Variants in ZBTB20 observed in about 807,000 individuals in gnomAD.
ZBTB20 encodes zinc finger and BTB domain-containing protein 20.
Under a neutral mutation model 56.9 loss-of-function variants are expected in ZBTB20, and 9 were observed. The observed-to-expected ratio is 0.16, with a 90% CI of 0.10 to 0.28. ZBTB20 has a LOEUF of 0.28. Among genes scored for constraint, ZBTB20 ranks in the 10% least tolerant of loss-of-function variants. The pLI is 1.00. For synonymous variants in ZBTB20, 417 were observed against 420.7 expected (o/e 0.99, Z 0.11); for missense variants, 655 against 1,003.0 (o/e 0.65, Z 4.69).
chr3:114,544,615 C>T (rs2942790), intron 6 of ZBTB20, among the ~76,000 whole-genome samples: 88,542 of 151,450 alleles, frequency 0.58, 26,301 homozygotes, highest in East Asian at 0.82. Flanking sequence ...GTGATCCTTC[C>T]ACATCAGCCT....
In ZBTB20 at chr3:114,640,915, G is replaced by A. The variant is rs150362097; in HGVS notation, c.-295+52613C>T. On this transcript the variant is annotated intron_variant, in intron 6 of 11. Coordinates refer to ENST00000675478, the MANE Select transcript of ZBTB20 (RefSeq NM_001348800.3). The stretch of plus-strand genomic sequence containing the variant: ...AGCCTTATTTTATACAAGCAAGCAC[G>A]TATGCCCTTAAGATTTGTGGTGGAG... Among the ~76,000 whole-genome samples, 1,058 of 151,862 alleles carry A rather than the reference G, an allele frequency of 7.0e-3. 10 individuals are homozygous for A. The highest frequency in any genetic ancestry group is 0.024 in the African/African-American group (993 of 41,456).
chr3:114,634,613 C>T (rs1209455584), intron 6 of ZBTB20, among the ~76,000 whole-genome samples: 1 of 152,170 alleles, frequency 6.6e-6, no homozygotes, highest in African/African-American at 2.4e-5. Flanking sequence ...CAAATATATT[C>T]AGATTGTAGC....
chr3:114,416,339 A>C (rs1261993719), intron 7 of ZBTB20, among the ~76,000 whole-genome samples: 4 of 152,010 alleles, frequency 2.6e-5, no homozygotes, highest in Non-Finnish European at 5.9e-5. Flanking sequence ...AAAAAAAAAA[A>C]AAAACAACTA....
chr3:114,774,768 G>C (rs895885116), intron 5 of ZBTB20, among the ~76,000 whole-genome samples: 12 of 151,950 alleles, frequency 7.9e-5, no homozygotes, highest in Non-Finnish European at 1.5e-4. Flanking sequence ...AATAAGAAAG[G>C]CATGATGTTC....
chr3:114,400,462 CA>C (rs1175930497), intron 7 of ZBTB20, among the ~76,000 whole-genome samples: 5 of 152,030 alleles, frequency 3.3e-5, no homozygotes, highest in Non-Finnish European at 7.4e-5. Flanking sequence ...AACTGACAGC[CA>C]GTCCACTTCC....
At chr3:114,564,321 C>T (rs1342288804) in intron 6 of ZBTB20, among the ~76,000 whole-genome samples, 1 of 151,938 alleles carries the variant, frequency 6.6e-6, no homozygotes, top group Non-Finnish European at 1.5e-5. Context: ...CTCACAGGTT[C>T]TGAGGATTAG....
At chr3:114,508,930 G>A (rs2109779284) in intron 6 of ZBTB20, among the ~76,000 whole-genome samples, 1 of 152,212 alleles carries the variant, frequency 6.6e-6, no homozygotes, top group Admixed American at 6.5e-5. Context: ...GTTTTGTTTA[G>A]TATCACTACA....
chr3:114,976,556 GT>G (rs2078107618), intron 2 of ZBTB20, among the ~76,000 whole-genome samples: 1 of 151,764 alleles, frequency 6.6e-6, no homozygotes, highest in Admixed American at 6.6e-5. Flanking sequence ...ATCCTAAGAG[GT>G]GGAGGTTGCA....
intron 2 of ZBTB20, among the ~76,000 whole-genome samples, chr3:114,995,804 T>C (rs1258913067): frequency 6.6e-6 from 1 of 151,884 alleles, no homozygotes; most frequent in Non-Finnish European, 1.5e-5. Context: ...TTTTGTAGGA[T>C]ACTAACCAAG....
chr3:114,955,928 C>T (rs542156656), intron 3 of ZBTB20, among the ~76,000 whole-genome samples: 1 of 152,216 alleles, frequency 6.6e-6, no homozygotes, highest in East Asian at 1.9e-4. Flanking sequence ...AATTTTGTGA[C>T]ATACTAGGTC....
At chr3:115,018,112 T>C (rs1338589553) in intron 2 of ZBTB20, among the ~76,000 whole-genome samples, 1 of 151,434 alleles carries the variant, frequency 6.6e-6, no homozygotes, top group African/African-American at 2.4e-5. Flanking sequence ...ACTTCTAATT[T>C]TGTACCAAGT....
chr3:114,477,245 G>A (rs911978887), intron 7 of ZBTB20, among the ~76,000 whole-genome samples: 5 of 152,122 alleles, frequency 3.3e-5, no homozygotes, highest in African/African-American at 1.2e-4. Context: ...AAATAATTTA[G>A]ATCCATAATT....
At chr3:114,439,989 T>C (rs1299968948) in intron 7 of ZBTB20, among the ~76,000 whole-genome samples, 2 of 152,192 alleles carry the variant, frequency 1.3e-5, no homozygotes, top group Non-Finnish European at 2.9e-5. Context: ...TGAATCTCTA[T>C]AATCATGCTT....
chr3:114,443,286 GT>G (rs2091048230), intron 7 of ZBTB20, among the ~76,000 whole-genome samples: 1 of 152,144 alleles, frequency 6.6e-6, no homozygotes, highest in African/African-American at 2.4e-5. Context: ...CAAAGTGAAA[GT>G]TTCTAGTTTA....
chr3:114,704,309 A>T (rs1407632894), intron 5 of ZBTB20, among the ~76,000 whole-genome samples: 2 of 151,926 alleles, frequency 1.3e-5, no homozygotes, highest in Non-Finnish European at 2.9e-5. Flanking sequence ...TTCTATTTGG[A>T]TCTATATTTA....
Position 114,772,837 on chromosome 3 carries a change from T to C in ZBTB20, c.-343+28264A>G, listed in dbSNP as rs1418988684. On this transcript the variant is annotated intron_variant, in intron 5 of 11. Coordinates refer to ENST00000675478, the MANE Select transcript of ZBTB20 (RefSeq NM_001348800.3). Reference sequence around the variant, plus strand: ...GTACATGGCAAAATGTTATGTTACATGAAAAAGCGACTCTGTAAATGTAAT... The same window carrying C: ...GTACATGGCAAAATGTTATGTTACACGAAAAAGCGACTCTGTAAATGTAAT... Among the ~76,000 whole-genome samples the C allele has an allele frequency of 5.3e-5, 8 of 152,184 alleles. No homozygotes were observed. In the East Asian group the frequency reaches 1.5e-3, roughly 29 times the overall value.
intron 4 of ZBTB20, among the ~76,000 whole-genome samples, chr3:114,831,994 G>A (rs2073870297): frequency 6.6e-6 from 1 of 152,016 alleles, no homozygotes; most frequent in African/African-American, 2.4e-5. Context: ...GTTTATATCT[G>A]TTGACATTTC....
rs1044130950 is a variant in ZBTB20, at chr3:114,678,042, G to A, written c.-295+15486C>T. On this transcript the variant is annotated intron_variant, in intron 6 of 11. Transcript: ENST00000675478. ...TTTGAAATGACTAAAGAAAGGCAAA[G>A]CAATCTGATTCTTTATAAAAAAATC... is the stretch of plus-strand genomic sequence containing the variant. Among the ~76,000 whole-genome samples the A allele has an allele frequency of 5.9e-5, 9 of 152,180 alleles. No individual in the cohort carries two copies. The South Asian group carries it at 1.9e-3, about 32-fold the overall frequency.
chr3:114,609,987 T>A (rs2057433222), intron 6 of ZBTB20, among the ~76,000 whole-genome samples: 1 of 152,136 alleles, frequency 6.6e-6, no homozygotes. Flanking sequence ...CCAGGTTAAG[T>A]GAGAACGAGA....
Sources: allele counts gnomAD v4.1 joint callset (sites outside exome capture counted in the v4.1 genomes callset), GRCh38; gene constraint gnomAD v4.1.1; transcripts MANE v1.5; gene names NCBI Gene and HGNC (gene_info 2026-07-23, HGNC 2026-07-21).